FREM1: variants seen among roughly 807,000 people sequenced by gnomAD.
FREM1 encodes FRAS1 related extracellular matrix 1, also known as FRAS1-related extracellular matrix protein 1.
Under a neutral mutation model 210.1 loss-of-function variants are expected in FREM1, and 220 were observed. The ratio of observed to expected loss-of-function variants is 1.05; its 90% CI spans 0.94 to 1.17. The LOEUF (loss-of-function observed/expected upper bound fraction) is 1.17, where lower values mean the gene tolerates loss of function less well. Among genes scored for constraint, FREM1 ranks in the 50% most tolerant of loss-of-function variants. FREM1 has a pLI of 0.00. For synonymous variants in FREM1, 1,189 were observed against 980.2 expected, an observed-to-expected ratio of 1.21 and a Z score of -3.98; for missense variants, 3,454 against 2,675.5, an observed-to-expected ratio of 1.29 and a Z score of -6.42.
intron 27 of FREM1, among the ~76,000 whole-genome samples, chr9:14,761,251 C>G (rs530354453): frequency 1.3e-5 from 2 of 152,056 alleles, no homozygotes; most frequent in Non-Finnish European, 2.9e-5. Context: ...ATTAAGCTCA[C>G]GAGCCAGATA....
chr9:14,810,098 G>T (rs1038833374), intron 16 of FREM1, among the ~76,000 whole-genome samples: 1 of 152,092 alleles, frequency 6.6e-6, no homozygotes, highest in Non-Finnish European at 1.5e-5. Flanking sequence ...AGATGCCTTT[G>T]CTGGCTTTGT....
chr9:14,845,778 A>C (rs1267049274), intron 8 of FREM1, among the ~76,000 whole-genome samples, 182 bp downstream of exon 8: 1 of 152,252 alleles, frequency 6.6e-6, no homozygotes, highest in East Asian at 1.9e-4. Context: ...ATAAATGGTT[A>C]GACATTGATC....
At chr9:14,793,060 G>A (rs1414218165) in intron 21 of FREM1, among the ~76,000 whole-genome samples, 176 bp from the exon 22 acceptor site, 3 of 152,224 alleles carry the variant, frequency 2.0e-5, no homozygotes, top group African/African-American at 4.8e-5. Context: ...ACCCTCACAC[G>A]TGAAAGTCTG....
At chr9:14,752,394 G>C (rs934686891) in intron 29 of FREM1, among the ~76,000 whole-genome samples, 2 of 152,146 alleles carry the variant, frequency 1.3e-5, no homozygotes, top group African/African-American at 4.8e-5. Flanking sequence ...GGCTGGAATA[G>C]AGAGGTTACA....
At chr9:14,880,913 T>C (rs965450183) in intron 1 of FREM1, among the ~76,000 whole-genome samples, 4 of 152,330 alleles carry the variant, frequency 2.6e-5, no homozygotes, top group East Asian at 1.9e-4. Flanking sequence ...ATTAGTTCCC[T>C]GGTACCAGCC....
rs753566677 is a variant in FREM1 at position 14,808,148 on chromosome 9, C to G, written c.2894-14G>C. On this transcript the variant is annotated splice_polypyrimidine_tract_variant and intron_variant, in intron 16 of 36. Transcript: ENST00000380880. ...CAATCTCGCCACCTGGAAGACACAA[C>G]TATAGCTGAAACCTGCCTTTTAAAA... The G allele has an allele frequency of 3.9e-6, 6 of 1,537,920 alleles. No individual in the cohort carries two copies. The highest frequency in any genetic ancestry group is 5.3e-6 in the Non-Finnish European group (6 of 1,139,196).
Position 14,812,812 on chromosome 9 carries a change from CTGTGTGTT to C in FREM1, c.2885_2892del (p.Lys962ArgfsTer11). The C allele has an allele frequency of 6.2e-7, 1 of 1,603,464 alleles. No homozygotes were observed. Among genetic ancestry groups the C allele is most frequent in the African/African-American group, 1.3e-5 (1 of 74,892 alleles). ...CACTGGTCACCATGCTGCTGCTTAC[CTGTGTGTT>C]TGTATGTCACGGCCTCTGAGATAAC... On this transcript the variant is annotated frameshift_variant and splice_region_variant, in exon 16 of 37. Coordinates refer to ENST00000380880, the MANE Select transcript of FREM1 (RefSeq NM_001379081.2). LOFTEE classifies it high-confidence loss of function.
chr9:14,793,117 G>A (rs1050402460), intron 21 of FREM1, among the ~76,000 whole-genome samples: 3 of 152,164 alleles, frequency 2.0e-5, no homozygotes, highest in African/African-American at 7.2e-5. Context: ...AGGTAATTAG[G>A]CACTTCTAAT....
intron 10 of FREM1, among the ~76,000 whole-genome samples, chr9:14,840,525 C>T (rs938192273): frequency 3.7e-4 from 57 of 152,168 alleles, no homozygotes; most frequent in Non-Finnish European, 1.6e-4. Context: ...GGGGACCACC[C>T]GTTTTTAAAA....
chr9:14,813,899 C>T (rs537037361), intron 15 of FREM1, among the ~76,000 whole-genome samples: 1 of 152,206 alleles, frequency 6.6e-6, no homozygotes, highest in South Asian at 2.1e-4. Context: ...ATCTTTTTAA[C>T]GTGTGGACTT....
At chr9:14,740,962 A>G (rs1212224256) in intron 35 of FREM1, among the ~76,000 whole-genome samples, 4 of 152,188 alleles carry the variant, frequency 2.6e-5, no homozygotes, top group Non-Finnish European at 5.9e-5. Context: ...GAAGCCACTA[A>G]GTAATTCTTT....
At chr9:14,892,041 C>T (rs1441487252) in intron 1 of FREM1, among the ~76,000 whole-genome samples, 2 of 152,038 alleles carry the variant, frequency 1.3e-5, no homozygotes, top group African/African-American at 4.8e-5. Flanking sequence ...ATGGACTCAC[C>T]CTGAATTCTT....
chr9:14,820,732 T>C (rs1233881661), intron 13 of FREM1, among the ~76,000 whole-genome samples: 1 of 152,154 alleles, frequency 6.6e-6, no homozygotes, highest in African/African-American at 2.4e-5. Context: ...TGCAAAAACA[T>C]AGACTTCTCT....
intron 7 of FREM1, among the ~76,000 whole-genome samples, chr9:14,847,920 T>C (rs892550496): frequency 2.0e-5 from 3 of 152,218 alleles, no homozygotes; most frequent in African/African-American, 7.2e-5. Flanking sequence ...GCCAGAATTA[T>C]AAATCAAGGC....
rs1239778115 is a variant in FREM1 at position 14,860,962 on chromosome 9, TAC to T, written c.330-1480_330-1479del. On this transcript the variant is annotated intron_variant, in intron 3 of 36. Coordinates refer to ENST00000380880, the MANE Select transcript of FREM1 (RefSeq NM_001379081.2). ...ACACATATACACATATACACATATA[TAC>T]ACATATATACATATATACACATATA... Among the ~76,000 whole-genome samples the T allele has an allele frequency of 1.0e-4, 10 of 95,558 alleles. 2 individuals are homozygous for T. Among genetic ancestry groups the T allele is most frequent in the African/African-American group, 3.7e-4 (9 of 24,048 alleles). The allele number at this position is 95,558 out of a possible 152,430, so 62.7% of individuals were successfully genotyped here.
chr9:14,871,778 ACGG>A, intron 1 of FREM1, among the ~76,000 whole-genome samples: 2 of 152,094 alleles, frequency 1.3e-5, no homozygotes, highest in African/African-American at 4.8e-5. Flanking sequence ...TACGGTTTTT[ACGG>A]TTTTTACGGT....
chr9:14,786,387 T>C (rs1419653864), intron 23 of FREM1, among the ~76,000 whole-genome samples: 1 of 152,212 alleles, frequency 6.6e-6, no homozygotes, highest in Non-Finnish European at 1.5e-5. Flanking sequence ...TGCCAAGCTA[T>C]TTCTGAACTT....
rs888333331 is a variant in FREM1 at position 14,775,655 on chromosome 9, C to T, written c.4857+134G>A. 6.4e-6 allele frequency: 4 copies of T among 623,448 alleles called. No homozygotes were observed. The African/African-American group carries it at 8.0e-5, about 12-fold the overall frequency. 38.6% of individuals were successfully genotyped at this position (623,448 alleles called of 1,614,324 possible). On this transcript the variant is annotated intron_variant, in intron 25 of 36. Transcript: ENST00000380880. ...CCCAGGAGGTGGAGATTGAAGTGAGCCAAGATCACGCCACTGCACTGCAGC... is the reference window on the plus strand; with the variant it reads ...CCCAGGAGGTGGAGATTGAAGTGAGTCAAGATCACGCCACTGCACTGCAGC...
chr9:14,854,747 A>G (rs1400529933), intron 5 of FREM1, among the ~76,000 whole-genome samples: 1 of 152,058 alleles, frequency 6.6e-6, no homozygotes, highest in Non-Finnish European at 1.5e-5. Flanking sequence ...TATTCCAAAA[A>G]TAGCTTTTCT....
Sources: allele counts gnomAD v4.1 joint callset (sites outside exome capture counted in the v4.1 genomes callset), GRCh38; gene constraint gnomAD v4.1.1; transcripts MANE v1.5; gene names NCBI Gene and HGNC (gene_info 2026-07-23, HGNC 2026-07-21).